The following GRM1 variants were observed in gnomAD, a reference collection of about 807,000 sequenced individuals.
GRM1 encodes the protein metabotropic glutamate receptor 1.
A neutral mutation model predicts 90.9 loss-of-function variants in GRM1; 33 were observed. The ratio of observed to expected loss-of-function variants is 0.36; its 90% CI spans 0.28 to 0.49. GRM1 has a LOEUF of 0.49. GRM1 is among the 20% of genes least tolerant of loss of function. GRM1 has a pLI of 0.99. For synonymous variants in GRM1, 700 were observed against 613.2 expected (o/e 1.14, Z -2.09); for missense variants, 1,190 against 1,534.3 (o/e 0.78, Z 3.75).
intron 5 of GRM1, among the ~76,000 whole-genome samples, chr6:146,364,165 C>T (rs1322894682): frequency 6.6e-6 from 1 of 152,200 alleles, no homozygotes; most frequent in Non-Finnish European, 1.5e-5. Flanking sequence ...TAAAGTGTGT[C>T]ACATTGTGAC....
intron 2 of GRM1, among the ~76,000 whole-genome samples, chr6:146,303,416 G>A (rs1008849382): frequency 2.0e-5 from 3 of 152,068 alleles, no homozygotes; most frequent in Admixed American, 6.6e-5. Context: ...GGCCCCTGAC[G>A]TCCCTTTTCT....
intron 7 of GRM1, among the ~76,000 whole-genome samples, chr6:146,411,499 G>A (rs570143035): frequency 4.4e-4 from 67 of 152,146 alleles, no homozygotes; most frequent in Non-Finnish European, 9.3e-4. Context: ...TCTGGACAAT[G>A]AGAATCCACT....
intron 2 of GRM1, among the ~76,000 whole-genome samples, chr6:146,290,348 C>G (rs1015161125): frequency 6.6e-6 from 1 of 152,008 alleles, no homozygotes. Flanking sequence ...TTCTTAACAA[C>G]GTAAAAAACT....
At chr6:146,348,115 A>G (rs1172591832) in intron 3 of GRM1, among the ~76,000 whole-genome samples, 1 of 152,244 alleles carries the variant, frequency 6.6e-6, no homozygotes, top group East Asian at 1.9e-4. Flanking sequence ...AGTACCACAG[A>G]AAATGATCAT....
At chr6:146,302,789 G>A (rs548603983) in intron 2 of GRM1, among the ~76,000 whole-genome samples, 13 of 151,760 alleles carry the variant, frequency 8.6e-5, no homozygotes, top group Non-Finnish European at 1.3e-4. Flanking sequence ...TGAATTCATA[G>A]CAGAACATCT....
At chr6:146,111,859 T>C (rs1000113654) in intron 1 of GRM1, among the ~76,000 whole-genome samples, 8 of 152,256 alleles carry the variant, frequency 5.3e-5, no homozygotes, top group Admixed American at 1.3e-4. Context: ...AAGCTCGTGA[T>C]ACAATGCTTG....
At position 146,399,178 on chromosome 6, in the gene GRM1, G is replaced by A. The variant is rs1370024135; in HGVS notation, c.2139G>A (p.Leu713=). The A allele has an allele frequency of 1.2e-5, 20 of 1,613,956 alleles. No homozygotes were observed. Among genetic ancestry groups the A allele is most frequent in the Non-Finnish European group, 1.6e-5 (19 of 1,180,030 alleles). ...CTCAGGTGATCATTGCCTCAATTCT[G>A]ATTAGTGTGCAACTAACCCTGGTGG... ...AWAQVIIASI[L]ISVQLTLVVT... The change falls in exon 7 of 8, where the codon CTG becomes CTA. Residue 713 remains leucine (L), a synonymous_variant. Coordinates refer to ENST00000282753, the MANE Select transcript of GRM1 (RefSeq NM_001278064.2). This position sits in a 1 kb window ranked among gnomAD's most constrained non-coding sequence, Gnocchi z 5.4.
At chr6:146,040,754 C>G (rs1488730804) in intron 1 of GRM1, among the ~76,000 whole-genome samples, 4 of 151,868 alleles carry the variant, frequency 2.6e-5, no homozygotes, top group Non-Finnish European at 4.4e-5. Context: ...GTGGTGTTCT[C>G]TACCCTTCTT....
At chr6:146,361,473 G>T (rs996945823) in intron 5 of GRM1, among the ~76,000 whole-genome samples, 2 of 152,112 alleles carry the variant, frequency 1.3e-5, no homozygotes, top group South Asian at 4.2e-4. Flanking sequence ...TTTCCTTGCT[G>T]TAGTGAAGGA....
intron 1 of GRM1, among the ~76,000 whole-genome samples, chr6:146,087,353 C>A (rs1776580316): frequency 6.6e-6 from 1 of 152,046 alleles, no homozygotes; most frequent in Non-Finnish European, 1.5e-5. Context: ...CTTACATAAC[C>A]ACAGTACCAT....
At chr6:146,323,239 T>C (rs2114975173) in intron 3 of GRM1, among the ~76,000 whole-genome samples, 1 of 152,328 alleles carries the variant, frequency 6.6e-6, no homozygotes, top group East Asian at 1.9e-4. Flanking sequence ...CTCCACATCC[T>C]CTCCAGCACC....
At chr6:146,370,290 C>T (rs1775849556) in intron 5 of GRM1, among the ~76,000 whole-genome samples, 1 of 152,032 alleles carries the variant, frequency 6.6e-6, no homozygotes, top group African/African-American at 2.4e-5. Context: ...ATTTCTTTTT[C>T]TTGATTTAGT....
At chr6:146,034,382 C>A (rs1347206830) in intron 1 of GRM1, among the ~76,000 whole-genome samples, 4 of 151,996 alleles carry the variant, frequency 2.6e-5, no homozygotes. Context: ...ACCATCATAG[C>A]TGACTAGAGT....
In GRM1 at chr6:146,057,402, A is replaced by G. The variant is rs538145147; in HGVS notation, c.700+27185A>G. 2.0e-5 allele frequency among the ~76,000 whole-genome samples: 3 copies of G among 152,268 alleles called. No individual in the cohort carries two copies. In the South Asian group the frequency reaches 6.2e-4, roughly 32 times the overall value. On this transcript the variant is annotated intron_variant, in intron 1 of 7. Transcript: ENST00000282753. ...ATAAGCACCTCTGTCTTCACTGATA[A>G]CTAGCTGAGTAACCTTGAAAACGGC...
chr6:146,037,361 G>A (rs1342104748), intron 1 of GRM1, among the ~76,000 whole-genome samples: 3 of 151,916 alleles, frequency 2.0e-5, no homozygotes, highest in African/African-American at 7.2e-5. Context: ...TGTTACAAAT[G>A]AGAAAACAAA....
intron 1 of GRM1, among the ~76,000 whole-genome samples, chr6:146,031,567 C>G (rs553455633): frequency 1.2e-3 from 177 of 152,140 alleles, no homozygotes; most frequent in African/African-American, 4.1e-3. Flanking sequence ...TCAGATTTTG[C>G]TTTTGGAAAA....
chr6:146,432,417 C>T (rs1778446493), intron 7 of GRM1, among the ~76,000 whole-genome samples: 1 of 152,198 alleles, frequency 6.6e-6, no homozygotes, highest in Admixed American at 6.5e-5. Flanking sequence ...TTACCTTCAT[C>T]ATAAATGATG....
chr6:146,049,257 T>A (rs926006598), intron 1 of GRM1, among the ~76,000 whole-genome samples: 3 of 152,002 alleles, frequency 2.0e-5, no homozygotes, highest in African/African-American at 7.2e-5. Context: ...TGGTAAAGCA[T>A]CATTTTTGAG....
At chr6:146,421,966 T>C (rs1778011022) in intron 7 of GRM1, among the ~76,000 whole-genome samples, 1 of 152,094 alleles carries the variant, frequency 6.6e-6, no homozygotes, top group South Asian at 2.1e-4. Context: ...AGGCACAAAT[T>C]ATGTATTTAT....
Sources: allele counts gnomAD v4.1 joint callset (sites outside exome capture counted in the v4.1 genomes callset), GRCh38; gene constraint gnomAD v4.1.1; non-coding constraint Gnocchi (gnomAD v3.1); transcripts MANE v1.5; gene names NCBI Gene and HGNC (gene_info 2026-07-23, HGNC 2026-07-21).